Variants in TMEM232 observed in about 807,000 individuals in gnomAD.
TMEM232 encodes transmembrane protein 232.
Under a neutral mutation model 78.8 loss-of-function variants are expected in TMEM232, and 80 were observed. That is an observed-to-expected ratio of 1.01 (90% CI 0.85 to 1.22). TMEM232 has a LOEUF of 1.22. TMEM232 is among the 50% of genes most tolerant of loss of function. The probability of loss-of-function intolerance (pLI) is 0.00; values close to 1 mark genes in which losing one functional copy is unlikely to be tolerated. For missense variants in TMEM232, 881 were observed against 742.2 expected (o/e 1.19, Z -2.17); for synonymous variants, 297 against 254.3 (o/e 1.17, Z -1.60).
At chr5:110,622,992 T>TAAATA (rs1554060986) in intron 7 of TMEM232, among the ~76,000 whole-genome samples, 2 of 149,012 alleles carry the variant, frequency 1.3e-5, no homozygotes, top group African/African-American at 4.9e-5. Flanking sequence ...TAAAGTATAA[T>TAAATA]AATAAATAAA....
chr5:110,593,553 T>C (rs755689406), intron 10 of TMEM232, among the ~76,000 whole-genome samples: 2 of 152,162 alleles, frequency 1.3e-5, no homozygotes, highest in Admixed American at 6.6e-5. Flanking sequence ...TTATGTTAAA[T>C]GAAATAAGCC....
chr5:110,653,059 T>C (rs1213387933), intron 2 of TMEM232, among the ~76,000 whole-genome samples: 1 of 152,208 alleles, frequency 6.6e-6, no homozygotes, highest in Admixed American at 6.5e-5. Flanking sequence ...CAATAACTAT[T>C]TAATGAAAGC....
At position 110,606,258 on chromosome 5, in the gene TMEM232, A is replaced by T; in HGVS notation, c.932T>A (p.Leu311His). Residue 311 changes from leucine (L) to histidine (H), a missense_variant, in exon 9 of 14, where the codon CTT (leucine) becomes CAT (histidine). By Grantham distance (99) the Leu-to-His change is moderately conservative. Transcript: ENST00000455884. ...CATGTTTAATTTGGCAGCCTCCCCA[A>T]GGACCAGTAAAGCCAGTACTGAATC... Reference protein sequence around the residue: ...WLDSVLALLVLGEAAKLNMAC... With the variant: ...WLDSVLALLVHGEAAKLNMAC... The T allele has an allele frequency of 6.5e-7, 1 of 1,543,996 alleles. No individual in the cohort carries two copies. The highest frequency in any genetic ancestry group is 8.8e-7 in the Non-Finnish European group (1 of 1,141,602).
chr5:110,441,368 A>C (rs1759021564), intron 12 of TMEM232, among the ~76,000 whole-genome samples: 1 of 152,186 alleles, frequency 6.6e-6, no homozygotes, highest in Admixed American at 6.6e-5. Context: ...AAAGTTAAGA[A>C]ACACATGAAA....
intron 12 of TMEM232, among the ~76,000 whole-genome samples, chr5:110,443,543 A>G (rs1759295389): frequency 6.6e-6 from 1 of 152,130 alleles, no homozygotes; most frequent in South Asian, 2.1e-4. Flanking sequence ...CTAGGTCTGG[A>G]CTTGGGGACA....
At position 110,420,587 on chromosome 5, in the gene TMEM232, A is replaced by G; in HGVS notation, c.1967T>C (p.Val656Ala). Residue 656 changes from valine to alanine, a missense_variant, in exon 14 of 14, where the codon GTA (valine) becomes GCA (alanine). Coordinates refer to ENST00000455884, the MANE Select transcript of TMEM232 (RefSeq NM_001039763.4). Reference sequence around the variant, plus strand: ...TGACATTTTCTTTTCTAATTAAATTACTTCCTTCCTATAAGGAAGTTCATA... The same window carrying G: ...TGACATTTTCTTTTCTAATTAAATTGCTTCCTTCCTATAAGGAAGTTCATA... ...KPYELPYRKE[V>A]I The G allele has an allele frequency of 6.9e-7, 1 of 1,458,678 alleles. No individual in the cohort carries two copies. Among genetic ancestry groups the G allele is most frequent in the South Asian group, 1.4e-5 (1 of 70,684 alleles). 90.4% of individuals were successfully genotyped at this position (1,458,678 alleles called of 1,614,324 possible). A position where few individuals can be genotyped will look rare whatever the true frequency, so the allele number is the denominator to read the frequency against.
intron 1 of TMEM232, among the ~76,000 whole-genome samples, chr5:110,685,234 TTACA>T (rs1793250367): frequency 6.6e-6 from 1 of 152,036 alleles, no homozygotes; most frequent in African/African-American, 2.4e-5. Flanking sequence ...AGAGGAAATG[TTACA>T]TAAACATTCA....
chr5:110,733,097 G>A (rs776903588), intron 2 of TMEM232, among the ~76,000 whole-genome samples: 32 of 152,096 alleles, frequency 2.1e-4, no homozygotes, highest in Admixed American at 5.2e-4. Flanking sequence ...GATCATCAGC[G>A]AAATGCAAAT....
At chr5:110,675,373 T>C (rs1791900984) in intron 1 of TMEM232, among the ~76,000 whole-genome samples, 1 of 152,160 alleles carries the variant, frequency 6.6e-6, no homozygotes, top group Non-Finnish European at 1.5e-5. Flanking sequence ...AAGCTTTGTG[T>C]AGGACTGCTG....
At chr5:110,552,879 C>T (rs865971660) in intron 11 of TMEM232, among the ~76,000 whole-genome samples, 32 of 152,084 alleles carry the variant, frequency 2.1e-4, no homozygotes, top group Non-Finnish European at 1.5e-4. Context: ...TTTGGTCTCA[C>T]ATTTAAGTCT....
chr5:110,692,522 G>A (rs369729240), intron 1 of TMEM232, among the ~76,000 whole-genome samples: 23 of 152,350 alleles, frequency 1.5e-4, no homozygotes, highest in East Asian at 1.2e-3. Context: ...CACAGGAAGC[G>A]CAAGGAGGCA....
At chr5:110,516,541 C>T (rs1768676853) in intron 12 of TMEM232, among the ~76,000 whole-genome samples, 1 of 152,054 alleles carries the variant, frequency 6.6e-6, no homozygotes, top group Non-Finnish European at 1.5e-5. Flanking sequence ...AGAACTATTA[C>T]ATACCTATTT....
Position 110,625,399 on chromosome 5 carries a change from A to G in TMEM232, c.636T>C (p.Tyr212=). Residue 212 remains tyrosine (Y), a synonymous_variant, in exon 7 of 14, where the codon TAT becomes TAC. Coordinates refer to ENST00000455884, the MANE Select transcript of TMEM232 (RefSeq NM_001039763.4). ...LSFSGASYHK[Y]PNIFSNVQFI... Reference sequence around the variant, plus strand: ...ATTGCACATTTGAAAAGATGTTTGGATACTTGTGATATGATGCTCCAGAGA... The same window carrying G: ...ATTGCACATTTGAAAAGATGTTTGGGTACTTGTGATATGATGCTCCAGAGA... The G allele has an allele frequency of 6.5e-7, 1 of 1,539,716 alleles. No individual in the cohort carries two copies. The highest frequency in any genetic ancestry group is 1.2e-5 in the South Asian group (1 of 81,788).
chr5:110,448,688 C>T (rs1336378536), intron 12 of TMEM232, among the ~76,000 whole-genome samples: 4 of 151,952 alleles, frequency 2.6e-5, no homozygotes, highest in Non-Finnish European at 5.9e-5. Flanking sequence ...TACATTCCCC[C>T]TCTCACATGG....
chr5:110,583,966 C>CAAAAAAAAAAA (rs60079206), intron 10 of TMEM232, among the ~76,000 whole-genome samples: 4 of 99,072 alleles, frequency 4.0e-5, no homozygotes, highest in East Asian at 2.6e-4. Context: ...TATCTATTAT[C>CAAAAAAAAAAA]AAAAAAAAAA....
intron 2 of TMEM232, among the ~76,000 whole-genome samples, chr5:110,656,851 G>GA (rs950350045): frequency 3.4e-5 from 5 of 148,970 alleles, no homozygotes; most frequent in Admixed American, 2.0e-4. Flanking sequence ...AAAAAAAAAA[G>GA]AAAAAAAAGA....
intron 12 of TMEM232, among the ~76,000 whole-genome samples, chr5:110,507,450 G>A (rs1328209962): frequency 6.6e-6 from 1 of 152,156 alleles, no homozygotes; most frequent in Non-Finnish European, 1.5e-5. Flanking sequence ...CCGTTAGGCT[G>A]ATAATAAATC....
At chr5:110,564,924 AACTTTTTT>A in intron 11 of TMEM232, among the ~76,000 whole-genome samples, 1 of 151,936 alleles carries the variant, frequency 6.6e-6, no homozygotes, top group East Asian at 1.9e-4. Context: ...CAATGTTGTA[AACTTTTTT>A]CAAGCCTGCT....
intron 12 of TMEM232, among the ~76,000 whole-genome samples, chr5:110,526,466 C>T (rs1045809289): frequency 1.3e-5 from 2 of 151,688 alleles, no homozygotes; most frequent in African/African-American, 4.8e-5. Context: ...AAACTACTTA[C>T]CTTAAGAAAA....
Sources: gnomAD v4.1 joint callset for allele counts (sites outside exome capture counted in the v4.1 genomes callset) on GRCh38, gnomAD v4.1.1 for gene constraint, MANE v1.5 for transcripts, NCBI Gene and HGNC (gene_info 2026-07-23, HGNC 2026-07-21) for gene names.